Variants in ITPR2 observed in about 807,000 individuals in gnomAD.
ITPR2 encodes inositol 1,4,5-trisphosphate receptor type 2.
ITPR2 carries 207 observed loss-of-function variants against 317.1 expected under a neutral mutation model. The ratio of observed to expected loss-of-function variants is 0.65; its 90% CI spans 0.58 to 0.73. The LOEUF is 0.73. Among genes scored for constraint, ITPR2 ranks in the 30% least tolerant of loss-of-function variants. ITPR2 has a pLI of 0.00. For missense variants in ITPR2, 2,613 were observed against 3,284.0 expected, an observed-to-expected ratio of 0.80 and a Z score of 4.99; for synonymous variants, 1,156 against 1,149.1, an observed-to-expected ratio of 1.01 and a Z score of -0.12.
At chr12:26,702,414 G>GTGGTGTTTTTTTTTTTTTTTTTTTTTT (rs1688487062) in intron 9 of ITPR2, among the ~76,000 whole-genome samples, 1 of 108,152 alleles carries the variant, frequency 9.2e-6, no homozygotes, top group African/African-American at 3.5e-5. Context: ...GGGGTGGGGG[G>GTGGTGTTTTTTTTTTTTTTTTTTTTTT]TTGGTGTTTT....
At chr12:26,786,449 T>TAAAAAAAA (rs59014121) in intron 2 of ITPR2, among the ~76,000 whole-genome samples, 48 of 119,218 alleles carry the variant, frequency 4.0e-4, no homozygotes, top group African/African-American at 1.8e-3. Context: ...GAATGATCAA[T>TAAAAAAAA]AAAAAAAAAA....
chr12:26,358,078 G>C (rs1278224509), intron 55 of ITPR2, among the ~76,000 whole-genome samples: 1 of 152,144 alleles, frequency 6.6e-6, no homozygotes, highest in Non-Finnish European at 1.5e-5. Context: ...TTTATCTGGG[G>C]TCTATGGATA....
chr12:26,619,044 T>C (rs1467634182), intron 26 of ITPR2, among the ~76,000 whole-genome samples: 1 of 152,222 alleles, frequency 6.6e-6, no homozygotes, highest in Non-Finnish European at 1.5e-5. Flanking sequence ...CTCTATTTCT[T>C]AAGCTGTACC....
At chr12:26,727,568 G>A (rs146636982) in intron 2 of ITPR2, among the ~76,000 whole-genome samples, 20 of 152,366 alleles carry the variant, frequency 1.3e-4, no homozygotes, top group African/African-American at 4.8e-4. Context: ...TCTTTGGGGA[G>A]TCAGCAAACT....
chr12:26,700,758 G>A (rs901190509), intron 9 of ITPR2, among the ~76,000 whole-genome samples: 11 of 152,166 alleles, frequency 7.2e-5, no homozygotes, highest in African/African-American at 2.7e-4. Flanking sequence ...GTAACTAAGG[G>A]CAGTGGTCCA....
At chr12:26,722,288 A>C in intron 5 of ITPR2, 109 bp downstream of exon 5, 1 of 909,542 alleles carries the variant, frequency 1.1e-6, no homozygotes, top group Non-Finnish European at 1.6e-6. Context: ...AAAATCAGGT[A>C]TTGAGTAAAA....
chr12:26,383,467 TTTGTTTG>T (rs1316425478), intron 55 of ITPR2, among the ~76,000 whole-genome samples: 1 of 129,926 alleles, frequency 7.7e-6, no homozygotes, highest in Non-Finnish European at 1.6e-5. Context: ...TCTATGTTTT[TTTGTTTG>T]TTTGTTTGTT....
At chr12:26,366,391 G>T (rs186642995) in intron 55 of ITPR2, among the ~76,000 whole-genome samples, 29 of 152,266 alleles carry the variant, frequency 1.9e-4, no homozygotes, top group Admixed American at 1.8e-3. Context: ...TTTCCAGAAA[G>T]TAGCTTCAGA....
intron 1 of ITPR2, among the ~76,000 whole-genome samples, chr12:26,823,479 G>C (rs1291663813): frequency 6.6e-6 from 1 of 152,168 alleles, no homozygotes; most frequent in Non-Finnish European, 1.5e-5. Context: ...TTAATCCATT[G>C]AGATAATAAT....
chr12:26,675,735 T>C (rs923280375), intron 13 of ITPR2, among the ~76,000 whole-genome samples: 2 of 151,746 alleles, frequency 1.3e-5, no homozygotes, highest in Admixed American at 1.3e-4. Flanking sequence ...AAATTACCAG[T>C]GAAGAATAAC....
intron 45 of ITPR2, among the ~76,000 whole-genome samples, chr12:26,453,535 T>C (rs1001658742): frequency 4.6e-5 from 7 of 152,224 alleles, no homozygotes; most frequent in African/African-American, 1.7e-4. Context: ...CCTGAAATGA[T>C]GTACACTAGG....
chr12:26,457,469 G>C (rs1172029413), intron 45 of ITPR2, among the ~76,000 whole-genome samples: 1 of 152,180 alleles, frequency 6.6e-6, no homozygotes, highest in Non-Finnish European at 1.5e-5. Flanking sequence ...AAGGTGTTGA[G>C]CAGAGAGGTG....
intron 21 of ITPR2, among the ~76,000 whole-genome samples, chr12:26,632,917 G>A (rs1946786149): frequency 6.6e-6 from 1 of 152,190 alleles, no homozygotes; most frequent in Non-Finnish European, 1.5e-5. Context: ...TCTCCAGCCT[G>A]AATGCTGCTT....
intron 2 of ITPR2, among the ~76,000 whole-genome samples, chr12:26,774,495 T>G (rs11611508): frequency 0.37 from 55,717 of 152,066 alleles, 12,692 homozygotes; most frequent in Non-Finnish European, 0.53. Flanking sequence ...AATTAAATAA[T>G]TCTTTTCTAG....
At chr12:26,588,563 A>G (rs537896285) in intron 32 of ITPR2, among the ~76,000 whole-genome samples, 2 of 152,324 alleles carry the variant, frequency 1.3e-5, no homozygotes, top group African/African-American at 4.8e-5. Context: ...AAATTAAAGA[A>G]CTAGGAAAGT....
At chr12:26,715,692 G>T in intron 7 of ITPR2, 60 bp downstream of exon 7, 1 of 1,137,658 alleles carries the variant, frequency 8.8e-7, no homozygotes, top group Non-Finnish European at 1.3e-6. Context: ...TTTGCATCTA[G>T]AATTTCAGTA....
chr12:26,457,742 C>G (rs1941926457), intron 45 of ITPR2, among the ~76,000 whole-genome samples: 1 of 152,154 alleles, frequency 6.6e-6, no homozygotes, highest in African/African-American at 2.4e-5. Flanking sequence ...CTGGACAGAC[C>G]TGGGTTCAAC....
chr12:26,453,303 G>A (rs1941786286), intron 45 of ITPR2, among the ~76,000 whole-genome samples: 2 of 152,148 alleles, frequency 1.3e-5, no homozygotes, highest in South Asian at 4.1e-4. Context: ...CGACTAAAAT[G>A]AAATGAAACT....
intron 1 of ITPR2, among the ~76,000 whole-genome samples, chr12:26,803,503 A>G (rs1950595589): frequency 6.6e-6 from 1 of 152,240 alleles, no homozygotes; most frequent in Non-Finnish European, 1.5e-5. Context: ...ATAATGATAT[A>G]GCTGTTTGTC....
Sources: gnomAD v4.1 joint callset for allele counts (sites outside exome capture counted in the v4.1 genomes callset) on GRCh38, gnomAD v4.1.1 for gene constraint, MANE v1.5 for transcripts, NCBI Gene and HGNC (gene_info 2026-07-23, HGNC 2026-07-21) for gene names.